The following LDHB variants were observed in gnomAD, a reference collection of about 807,000 sequenced individuals.
LDHB encodes lactate dehydrogenase B, also known as L-lactate dehydrogenase B chain.
Under a neutral mutation model 33.4 loss-of-function variants are expected in LDHB, and 18 were observed. The ratio of observed to expected loss-of-function variants is 0.54; its 90% CI spans 0.37 to 0.80. The LOEUF is 0.80. Among genes scored for constraint, LDHB ranks in the 30% least tolerant of loss-of-function variants. The probability of loss-of-function intolerance (pLI) is 0.00; values close to 1 mark genes in which losing one functional copy is unlikely to be tolerated. For synonymous variants in LDHB, 121 were observed against 140.6 expected, an observed-to-expected ratio of 0.86 and a Z score of 0.98; for missense variants, 345 against 407.9, an observed-to-expected ratio of 0.85 and a Z score of 1.33.
In LDHB at chr12:21,642,060, C is replaced by T. The variant is rs918391919; in HGVS notation, c.487G>A (p.Gly163Arg). 1.6e-5 allele frequency: 26 copies of T among 1,613,318 alleles called. No individual in the cohort carries two copies. The highest frequency in any genetic ancestry group is 2.1e-5 in the Non-Finnish European group (25 of 1,179,536). Residue 163 changes from glycine to arginine, a missense_variant, in exon 5 of 8, where the codon GGA (glycine) becomes AGA (arginine). Transcript: ENST00000350669. ...GLPKHRVIGS[G>R]CNLDSARFRY... ...AATCTAGCAGAATCCAGATTACATCCACTTCCAATCACGCGGTGTTTGGGT... is the reference window on the plus strand; with the variant it reads ...AATCTAGCAGAATCCAGATTACATCTACTTCCAATCACGCGGTGTTTGGGT...
chr12:21,649,823 G>A (rs1938630078), intron 2 of LDHB, among the ~76,000 whole-genome samples: 1 of 152,070 alleles, frequency 6.6e-6, no homozygotes, highest in African/African-American at 2.4e-5. Flanking sequence ...CAGGGGTGGT[G>A]GCTCATGCGT....
chr12:21,645,732 G>A (rs1217507282), intron 3 of LDHB, among the ~76,000 whole-genome samples: 4 of 151,938 alleles, frequency 2.6e-5, no homozygotes, highest in South Asian at 2.1e-4. Flanking sequence ...CCCCCTCTCC[G>A]AGATACGCCC....
chr12:21,635,525 A>G lies in LDHB; in HGVS notation c.*17T>C. On this transcript the variant is annotated 3_prime_UTR_variant, in exon 8 of 8. Transcript: ENST00000350669. ...CACATTGTAGTTTTTAAATTTCTAC[A>G]GCCTAGAGCTCACTAGTCACAGGTC... 6.2e-7 allele frequency: 1 copy of G among 1,603,568 alleles called. No homozygotes were observed. The highest frequency in any genetic ancestry group is 8.5e-7 in the Non-Finnish European group (1 of 1,172,240).
chr12:21,639,226 A>C (rs1013780046), intron 5 of LDHB, among the ~76,000 whole-genome samples: 1 of 152,024 alleles, frequency 6.6e-6, no homozygotes, highest in Admixed American at 6.6e-5. Flanking sequence ...TGAAATCTGC[A>C]TAATCATGTC....
chr12:21,643,877 ACAG>A, intron 4 of LDHB, 55 bp downstream of exon 4: 1 of 1,354,000 alleles, frequency 7.4e-7, no homozygotes, highest in Non-Finnish European at 1.1e-6. Flanking sequence ...AACAATAACA[ACAG>A]AAACACCAAA....
At chr12:21,636,944 CATAAAACTTTG>C in intron 7 of LDHB, 116 bp downstream of exon 7, 1 of 856,262 alleles carries the variant, frequency 1.2e-6, no homozygotes. Flanking sequence ...GAATAGTTTA[CATAAAACTTTG>C]AGAGACAGAA....
chr12:21,655,609 G>C (rs531306286), intron 1 of LDHB, among the ~76,000 whole-genome samples: 37 of 152,310 alleles, frequency 2.4e-4, no homozygotes, highest in African/African-American at 8.9e-4. Flanking sequence ...GGGCACCTAA[G>C]AAGCTTCTTG....
At chr12:21,640,917 G>A (rs1482199541) in intron 5 of LDHB, among the ~76,000 whole-genome samples, 5 of 151,748 alleles carry the variant, frequency 3.3e-5, no homozygotes, top group Non-Finnish European at 7.4e-5. Context: ...ACAATATTTT[G>A]GGCATGAGAT....
chr12:21,655,170 C>A (rs374783327), intron 1 of LDHB, among the ~76,000 whole-genome samples: 13 of 152,270 alleles, frequency 8.5e-5, no homozygotes, highest in African/African-American at 3.1e-4. Context: ...TGGAAGAATT[C>A]ATTAAGGTAA....
At chr12:21,638,307 G>A (rs1254084583) in intron 6 of LDHB, 46 bp downstream of exon 6, 2 of 976,174 alleles carry the variant, frequency 2.0e-6, no homozygotes, top group Non-Finnish European at 1.7e-6. Flanking sequence ...TTTTATTTAA[G>A]TAGAGTTGAA....
chr12:21,635,668 T>G lies in LDHB; in HGVS notation c.879A>C (p.Pro293=). ...TTAATCCCCGGGCATTGAGGATACA[T>G]GGAAGGCTCAGGAAGACTTCATTCT... The part of the protein sequence containing the change: ...GIENEVFLSL[P]CILNARGLTS... The change falls in exon 8 of 8, where the codon CCA becomes CCC. Residue 293 remains proline, a synonymous_variant. Coordinates refer to ENST00000350669, the MANE Select transcript of LDHB (RefSeq NM_002300.8). 1 of 1,613,712 alleles carries G rather than the reference T, an allele frequency of 6.2e-7. No individual in the cohort carries two copies. Among genetic ancestry groups the G allele is most frequent in the African/African-American group, 1.3e-5 (1 of 74,980 alleles).
chr12:21,640,362 A>C (rs1441578334), intron 5 of LDHB, among the ~76,000 whole-genome samples: 1 of 151,778 alleles, frequency 6.6e-6, no homozygotes, highest in East Asian at 1.9e-4. Context: ...AAAAAGTGTA[A>C]TGTGATTTTA....
chr12:21,650,510 A>T (rs371657551), intron 2 of LDHB, among the ~76,000 whole-genome samples: 21 of 152,346 alleles, frequency 1.4e-4, no homozygotes, highest in African/African-American at 4.6e-4. Flanking sequence ...AGCAAAGATA[A>T]ACACTCAAAC....
At chr12:21,650,157 TC>T (rs1938648026) in intron 2 of LDHB, among the ~76,000 whole-genome samples, 1 of 149,436 alleles carries the variant, frequency 6.7e-6, no homozygotes, top group East Asian at 1.9e-4. Context: ...CACACGTCTC[TC>T]TCTCCAAGTG....
intron 4 of LDHB, chr12:21,643,607 C>G: frequency 3.7e-6 from 1 of 267,322 alleles, no homozygotes; most frequent in Non-Finnish European, 7.1e-6. Flanking sequence ...ATGTTTCTTA[C>G]AAATTGAAAC....
chr12:21,641,934 T>TC lies in LDHB; in HGVS notation c.595+17dup. On this transcript the variant is annotated intron_variant, in intron 5 of 7. Coordinates refer to ENST00000350669, the MANE Select transcript of LDHB (RefSeq NM_002300.8). ...AAAACCAACATCACAAGTAATTATT[T>TC]CTTTTTTTTTTCTTTACCACTTGAG... 2 of 1,590,598 alleles carry TC rather than the reference T, an allele frequency of 1.3e-6. No individual in the cohort carries two copies. The highest frequency in any genetic ancestry group is 2.2e-5 in the East Asian group (1 of 44,758).
rs183892207 is a variant in LDHB, at chr12:21,640,238, A to T, written c.595+1714T>A. ...ATGAAACAGAATCAAAATTGTTCAA[A>T]AACAGTTTTACATAAAATTGTTCAA... On this transcript the variant is annotated intron_variant, in intron 5 of 7. Coordinates refer to ENST00000350669, the MANE Select transcript of LDHB (RefSeq NM_002300.8). 4.6e-5 allele frequency among the ~76,000 whole-genome samples: 7 copies of T among 151,668 alleles called. No homozygotes were observed. The East Asian group carries it at 1.4e-3, about 29-fold the overall frequency.
chr12:21,644,366 T>G (rs930567274), intron 3 of LDHB, among the ~76,000 whole-genome samples: 5 of 140,958 alleles, frequency 3.5e-5, no homozygotes, highest in African/African-American at 1.1e-4. Context: ...TGGCTATGAA[T>G]TCAATGAATT....
At chr12:21,644,161 C>T (rs1938450929) in intron 3 of LDHB, 53 bp from the exon 4 acceptor site, 2 of 1,291,926 alleles carry the variant, frequency 1.5e-6, no homozygotes, top group South Asian at 2.4e-5. Context: ...TTCATTATAA[C>T]ATAACCTATA....
Sources: gnomAD v4.1 joint callset for allele counts (sites outside exome capture counted in the v4.1 genomes callset) on GRCh38, gnomAD v4.1.1 for gene constraint, MANE v1.5 for transcripts, NCBI Gene and HGNC (gene_info 2026-07-23, HGNC 2026-07-21) for gene names.